GABRA5: variants seen among roughly 807,000 people sequenced by gnomAD.
The protein encoded by GABRA5 is gamma-aminobutyric acid receptor subunit alpha-5.
In GABRA5, 18 loss-of-function variants were observed where a neutral mutation model predicts 47.3. That is an observed-to-expected ratio of 0.38 (90% CI 0.26 to 0.56). GABRA5 has a LOEUF of 0.56. GABRA5 is among the 20% of genes least tolerant of loss of function. The pLI, the probability that GABRA5 is intolerant of heterozygous loss-of-function variation, is 0.71. For synonymous variants in GABRA5, 237 were observed against 229.3 expected, an observed-to-expected ratio of 1.03 and a Z score of -0.30; for missense variants, 365 against 599.3, an observed-to-expected ratio of 0.61 and a Z score of 4.08.
intron 6 of GABRA5, among the ~76,000 whole-genome samples, chr15:26,900,307 C>T (rs939536400): frequency 4.0e-5 from 6 of 151,566 alleles, no homozygotes; most frequent in African/African-American, 1.5e-4. Flanking sequence ...AATAATTATA[C>T]AATTTTTTTG....
chr15:26,887,454 C>G (rs1336428354), intron 6 of GABRA5, among the ~76,000 whole-genome samples: 2 of 152,134 alleles, frequency 1.3e-5, no homozygotes, highest in Admixed American at 1.3e-4. Context: ...CTCAGCCTCC[C>G]AAGTAGCTGG....
At chr15:26,939,857 G>T in intron 8 of GABRA5, 68 bp from the exon 9 acceptor site, 1 of 1,547,074 alleles carries the variant, frequency 6.5e-7, no homozygotes, top group Admixed American at 1.7e-5. Context: ...GAGGCTCCTG[G>T]TGAACTCCTT....
chr15:26,940,193 C>G, intron 9 of GABRA5, 116 bp downstream of exon 9: 1 of 849,584 alleles, frequency 1.2e-6, no homozygotes, highest in Non-Finnish European at 1.8e-6. Context: ...GTTGTGTGAC[C>G]TGGAAAAGAA....
At chr15:26,911,386 CACACACACACAA>C (rs1277769080) in intron 6 of GABRA5, among the ~76,000 whole-genome samples, 5 of 146,508 alleles carry the variant, frequency 3.4e-5, no homozygotes, top group East Asian at 2.0e-4. Flanking sequence ...CACACACACA[CACACACACACAA>C]ACACACACAC....
At chr15:26,888,599 C>T (rs535701915) in intron 6 of GABRA5, among the ~76,000 whole-genome samples, 6 of 152,272 alleles carry the variant, frequency 3.9e-5, no homozygotes, top group African/African-American at 1.4e-4. Context: ...AGCAGCAGGT[C>T]CATAGTCCCC....
intron 7 of GABRA5, among the ~76,000 whole-genome samples, chr15:26,927,314 A>G (rs1304208654): frequency 6.9e-6 from 1 of 144,926 alleles, no homozygotes; most frequent in African/African-American, 2.6e-5. Context: ...GGGTTTCACT[A>G]TGTTGGGCAG....
At chr15:26,878,388 C>T (rs567435916) in intron 3 of GABRA5, among the ~76,000 whole-genome samples, 5 of 152,290 alleles carry the variant, frequency 3.3e-5, no homozygotes, top group East Asian at 1.9e-4. Flanking sequence ...TGATACAGCA[C>T]GAGCCTTTCT....
chr15:26,881,157 G>A (rs1892721467), intron 4 of GABRA5, among the ~76,000 whole-genome samples, 190 bp downstream of exon 4: 1 of 152,156 alleles, frequency 6.6e-6, no homozygotes, highest in African/African-American at 2.4e-5. Context: ...AAGATCCTTT[G>A]TTATTTTCTA....
chr15:26,890,998 C>G (rs1892992615), intron 6 of GABRA5, among the ~76,000 whole-genome samples: 1 of 152,152 alleles, frequency 6.6e-6, no homozygotes, highest in South Asian at 2.1e-4. Flanking sequence ...TTTAGTTTTG[C>G]TAAAATTGTA....
At chr15:26,894,401 C>G (rs1893126072) in intron 6 of GABRA5, among the ~76,000 whole-genome samples, 1 of 152,166 alleles carries the variant, frequency 6.6e-6, no homozygotes, top group African/African-American at 2.4e-5. Flanking sequence ...CCAGTGGGTC[C>G]CCGGGTGAGA....
At chr15:26,938,007 G>A (rs1158870106) in intron 8 of GABRA5, among the ~76,000 whole-genome samples, 2 of 152,230 alleles carry the variant, frequency 1.3e-5, no homozygotes, top group East Asian at 3.9e-4. Flanking sequence ...AGCCTCTGCA[G>A]CCTTGGAGAA....
intron 3 of GABRA5, among the ~76,000 whole-genome samples, chr15:26,880,279 C>T (rs992218785): frequency 6.6e-6 from 1 of 152,128 alleles, no homozygotes; most frequent in Non-Finnish European, 1.5e-5. Context: ...GGGGCAGGAC[C>T]CCAGAGATGA....
intron 7 of GABRA5, among the ~76,000 whole-genome samples, chr15:26,935,084 A>G (rs1019165215): frequency 6.6e-6 from 1 of 152,190 alleles, no homozygotes; most frequent in African/African-American, 2.4e-5. Flanking sequence ...CACTGCTGAC[A>G]CAGAGAAGGA....
chr15:26,929,041 ACAG>A (rs1894028730), intron 7 of GABRA5, among the ~76,000 whole-genome samples: 1 of 86,750 alleles, frequency 1.2e-5, no homozygotes, highest in Non-Finnish European at 2.9e-5. Flanking sequence ...TGGGGGGGAC[ACAG>A]TTATTTAGTC....
rs749140271 is a variant in GABRA5, at chr15:26,948,242, A to G, written c.*9A>G. ...CCGCCTCTCCAAAATAACCGGCCAC[A>G]CTCCCAAACTCCAAGACAGCCATAC... On this transcript the variant is annotated 3_prime_UTR_variant, in exon 11 of 11. Coordinates refer to ENST00000335625, the MANE Select transcript of GABRA5 (RefSeq NM_000810.4). 3.1e-6 allele frequency: 5 copies of G among 1,607,196 alleles called. No individual in the cohort carries two copies. Among genetic ancestry groups the G allele is most frequent in the Non-Finnish European group, 4.2e-6 (5 of 1,177,518 alleles).
rs542073146 is a variant in GABRA5 at position 26,946,609 on chromosome 15, T to C, written c.1090-1325T>C. ...AAGTACTAACAGCACCTTTGCTGAG[T>C]GTGGACAAATATGGACATTGTGTGT... On this transcript the variant is annotated intron_variant, in intron 10 of 10. Transcript: ENST00000335625. Among the ~76,000 whole-genome samples the C allele has an allele frequency of 2.0e-5, 3 of 152,274 alleles. No individual in the cohort carries two copies. The South Asian group carries it at 6.2e-4, about 32-fold the overall frequency.
rs1198685162 is a variant in GABRA5, at chr15:26,867,094, A to T, written c.-157A>T. 1 of 152,092 alleles carries T rather than the reference A, an allele frequency of 6.6e-6. No homozygotes were observed. 9.4% of individuals were successfully genotyped at this position (152,092 alleles called of 1,614,324 possible). A position where few individuals can be genotyped will look rare whatever the true frequency, so the allele number is the denominator to read the frequency against. On this transcript the variant is annotated 5_prime_UTR_variant, in exon 1 of 11. An upstream start codon of the reference 5' UTR is lost. Transcript: ENST00000335625. This position sits in a 1 kb window ranked among gnomAD's most constrained non-coding sequence, Gnocchi z 5.9. Reference sequence around the variant, plus strand: ...GCCGATCCTCCAGCCCAGAGACGACATGTGGCGCTCGGGCGAGGTGAGAGC... The same window carrying T: ...GCCGATCCTCCAGCCCAGAGACGACTTGTGGCGCTCGGGCGAGGTGAGAGC...
At chr15:26,899,565 T>C (rs1893277580) in intron 6 of GABRA5, among the ~76,000 whole-genome samples, 1 of 152,234 alleles carries the variant, frequency 6.6e-6, no homozygotes, top group Admixed American at 6.5e-5. Context: ...TAGTGTATTT[T>C]TCTCTGAGGT....
intron 9 of GABRA5, among the ~76,000 whole-genome samples, chr15:26,942,045 G>A (rs1894396830): frequency 6.6e-6 from 1 of 152,230 alleles, no homozygotes; most frequent in Non-Finnish European, 1.5e-5. Flanking sequence ...GCACGCTTAT[G>A]CAGAAGGCAG....
Sources: gnomAD v4.1 joint callset for allele counts (sites outside exome capture counted in the v4.1 genomes callset) on GRCh38, gnomAD v4.1.1 for gene constraint, Gnocchi (gnomAD v3.1) non-coding constraint, MANE v1.5 for transcripts, NCBI Gene and HGNC (gene_info 2026-07-23, HGNC 2026-07-21) for gene names.